Variants in MDFIC2 observed in about 807,000 individuals in gnomAD.
MDFIC2 encodes the protein MyoD family inhibitor domain containing 2.
intron 2 of MDFIC2, among the ~76,000 whole-genome samples, chr3:70,215,293 G>A (rs1701397342): frequency 1.3e-5 from 2 of 152,006 alleles, no homozygotes; most frequent in South Asian, 2.1e-4. Flanking sequence ...TTGAACTTAC[G>A]TCTTCTAATT....
intron 2 of MDFIC2, among the ~76,000 whole-genome samples, chr3:70,273,127 C>G (rs1701989831): frequency 6.6e-6 from 1 of 152,166 alleles, no homozygotes; most frequent in East Asian, 1.9e-4. Context: ...AAGATGAATA[C>G]AATCCTAAAA....
intron 3 of MDFIC2, chr3:70,204,855 G>T (rs1190067629): frequency 1.3e-5 from 2 of 152,044 alleles, no homozygotes; most frequent in Non-Finnish European, 2.9e-5. Flanking sequence ...ATGTACAATG[G>T]CAATTCCCAG....
At chr3:70,211,833 T>A (rs1348558033) in intron 2 of MDFIC2, among the ~76,000 whole-genome samples, 1 of 149,546 alleles carries the variant, frequency 6.7e-6, no homozygotes, top group East Asian at 2.0e-4. Flanking sequence ...CCTTTTTCCT[T>A]TTTCCTTTTC....
At chr3:70,291,560 G>A (rs1702240200) in intron 2 of MDFIC2, among the ~76,000 whole-genome samples, 1 of 152,090 alleles carries the variant, frequency 6.6e-6, no homozygotes, top group South Asian at 2.1e-4. Context: ...GAGATTCTCA[G>A]AAGGGACAAT....
Position 70,231,761 on chromosome 3 carries a change from C to T in MDFIC2, c.89-24971G>A, listed in dbSNP as rs140077548. 2.6e-5 allele frequency among the ~76,000 whole-genome samples: 4 copies of T among 152,240 alleles called. No individual in the cohort carries two copies. The East Asian group carries it at 5.8e-4, about 22-fold the overall frequency. On this transcript the variant is annotated intron_variant, in intron 2 of 3. Coordinates refer to ENST00000567252, the MANE Select transcript of MDFIC2 (RefSeq NM_001364677.1). Reference sequence around the variant, plus strand: ...GAAGAAATGGGACAAAAGCCAGTCCCACGACTGCCCCCTTGCCCCTACTAA... The same window carrying T: ...GAAGAAATGGGACAAAAGCCAGTCCTACGACTGCCCCCTTGCCCCTACTAA...
chr3:70,227,558 C>T (rs1417739662), intron 2 of MDFIC2, among the ~76,000 whole-genome samples: 1 of 152,060 alleles, frequency 6.6e-6, no homozygotes, highest in Non-Finnish European at 1.5e-5. Context: ...TGAAGGAAAC[C>T]AAAAATAAGA....
rs527590984 is a variant in MDFIC2 at position 70,255,831 on chromosome 3, T to G, written c.89-49041A>C. ...TTGGGAAATGATCAATGCACACCAA[T>G]TGATGGAAGCCTCCATAACTTTAGA... On this transcript the variant is annotated intron_variant, in intron 2 of 3. Transcript: ENST00000567252. 3.3e-5 allele frequency among the ~76,000 whole-genome samples: 5 copies of G among 152,306 alleles called. No individual in the cohort carries two copies. The East Asian group carries it at 9.7e-4, about 29-fold the overall frequency.
chr3:70,255,107 A>G (rs1701802887), intron 2 of MDFIC2, among the ~76,000 whole-genome samples: 1 of 152,222 alleles, frequency 6.6e-6, no homozygotes, highest in Non-Finnish European at 1.5e-5. Flanking sequence ...AGTTCAACTA[A>G]TGAAACAGTG....
At chr3:70,288,877 G>GC (rs1559554913) in intron 2 of MDFIC2, among the ~76,000 whole-genome samples, 1 of 151,514 alleles carries the variant, frequency 6.6e-6, no homozygotes, top group Non-Finnish European at 1.5e-5. Flanking sequence ...GACTAGGATT[G>GC]CAACCCCTGC....
intron 2 of MDFIC2, among the ~76,000 whole-genome samples, chr3:70,274,057 G>A (rs983130523): frequency 1.1e-4 from 1 of 9,178 alleles, no homozygotes; most frequent in Admixed American, 1.0e-3. Flanking sequence ...TTAAACCTCC[G>A]TGTGTGTGTG....
intron 2 of MDFIC2, among the ~76,000 whole-genome samples, chr3:70,261,804 G>A (rs1320456332): frequency 6.6e-6 from 1 of 152,130 alleles, no homozygotes; most frequent in Admixed American, 6.6e-5. Context: ...TTTCCTCCCC[G>A]TGGAACCAAG....
chr3:70,253,992 A>G (rs1381969854), intron 2 of MDFIC2, among the ~76,000 whole-genome samples: 6 of 152,316 alleles, frequency 3.9e-5, no homozygotes, highest in East Asian at 3.9e-4. Context: ...AGAAGATTCA[A>G]AAAAAGGGTT....
chr3:70,290,096 C>A (rs1344891616), intron 2 of MDFIC2, among the ~76,000 whole-genome samples: 3 of 152,226 alleles, frequency 2.0e-5, no homozygotes, highest in Admixed American at 2.0e-4. Context: ...TGTTCCGTTG[C>A]TGGTGAGGAG....
At chr3:70,203,392 A>C (rs1225212800) in intron 3 of MDFIC2, among the ~76,000 whole-genome samples, 1 of 152,138 alleles carries the variant, frequency 6.6e-6, no homozygotes, top group Non-Finnish European at 1.5e-5. Flanking sequence ...ATAAAGAGTG[A>C]TTGAATGCCT....
intron 2 of MDFIC2, among the ~76,000 whole-genome samples, chr3:70,210,224 G>T (rs1369790336): frequency 6.6e-6 from 1 of 152,078 alleles, no homozygotes; most frequent in Non-Finnish European, 1.5e-5. Context: ...TAAGTGGTGT[G>T]CTACATTAAG....
intron 2 of MDFIC2, among the ~76,000 whole-genome samples, chr3:70,310,669 G>A (rs1312393837): frequency 3.3e-5 from 5 of 152,160 alleles, no homozygotes; most frequent in African/African-American, 9.6e-5. Context: ...CCCGGCCATA[G>A]GTGTATTTTT....
chr3:70,268,046 TC>T (rs1319256349), intron 2 of MDFIC2, among the ~76,000 whole-genome samples: 41 of 146,956 alleles, frequency 2.8e-4, no homozygotes, highest in Non-Finnish European at 4.9e-4. Context: ...CTCCTCCTCC[TC>T]CTCCTTCTTC....
chr3:70,210,251 A>G (rs1472830326), intron 2 of MDFIC2, among the ~76,000 whole-genome samples: 5 of 152,156 alleles, frequency 3.3e-5, no homozygotes, highest in Non-Finnish European at 7.4e-5. Flanking sequence ...TTTGGAGCAC[A>G]CTAGGCTTGT....
intron 2 of MDFIC2, among the ~76,000 whole-genome samples, chr3:70,307,202 G>A (rs1368721022): frequency 6.6e-6 from 1 of 152,098 alleles, no homozygotes; most frequent in East Asian, 1.9e-4. Flanking sequence ...TGTTTTGGTG[G>A]TGGTGTTGTT....
Sources: gnomAD v4.1 joint callset for allele counts (sites outside exome capture counted in the v4.1 genomes callset) on GRCh38, gnomAD v4.1.1 for gene constraint, MANE v1.5 for transcripts, NCBI Gene and HGNC (gene_info 2026-07-23, HGNC 2026-07-21) for gene names.